The following CHMP5 variants were observed in gnomAD, a reference collection of about 807,000 sequenced individuals.
The protein encoded by CHMP5 is SNF7 domain containing 2.
Under a neutral mutation model 33.0 loss-of-function variants are expected in CHMP5, and 17 were observed. The ratio of observed to expected loss-of-function variants is 0.52; its 90% CI spans 0.35 to 0.77. The LOEUF is 0.77. Among genes scored for constraint, CHMP5 ranks in the 30% least tolerant of loss-of-function variants. The probability of loss-of-function intolerance (pLI) is 0.01; values close to 1 mark genes in which losing one functional copy is unlikely to be tolerated. For synonymous variants in CHMP5, 76 were observed against 90.2 expected (o/e 0.84, Z 0.89); for missense variants, 216 against 261.5 (o/e 0.83, Z 1.20).
rs746362435 is a variant in CHMP5, at chr9:33,267,886, A to C, written c.208A>C (p.Lys70Gln). 6.2e-7 allele frequency: 1 copy of C among 1,610,684 alleles called. No individual in the cohort carries two copies. The highest frequency in any genetic ancestry group is 8.5e-7 in the Non-Finnish European group (1 of 1,177,028). ...MVKQKALRVL[K>Q]QKRMYEQQRD... ...CAAGCAGAAAGCCTTGCGAGTTTTA[A>C]AGCAAAAGAGGATGTAAGTTACACA... The change falls in exon 3 of 8, where the codon AAG (lysine) becomes CAG (glutamine). Residue 70 changes from lysine to glutamine, a missense_variant. Transcript: ENST00000223500.
chr9:33,281,115 G>A lies in CHMP5; in HGVS notation c.*256G>A, dbSNP rs1820918070. The A allele has an allele frequency of 2.6e-6, 1 of 381,684 alleles. No individual in the cohort carries two copies. Among genetic ancestry groups the A allele is most frequent in the Admixed American group, 4.4e-5 (1 of 22,778 alleles). 23.6% of individuals were successfully genotyped at this position (381,684 alleles called of 1,614,324 possible). A position where few individuals can be genotyped will look rare whatever the true frequency, so the allele number is the denominator to read the frequency against. On this transcript the variant is annotated 3_prime_UTR_variant, in exon 8 of 8. Transcript: ENST00000223500. Reference sequence around the variant, plus strand: ...AAAGTATTTTTAGCTCGTATGACTTGTTTTCATTCATTAATAATAATTTGA... The same window carrying A: ...AAAGTATTTTTAGCTCGTATGACTTATTTTCATTCATTAATAATAATTTGA...
intron 6 of CHMP5, 126 bp from the exon 7 acceptor site, chr9:33,277,987 A>C: frequency 1.7e-6 from 1 of 592,472 alleles, no homozygotes; most frequent in Admixed American, 2.8e-5. Context: ...TAATGGTCAC[A>C]CAGCATACAA....
chr9:33,270,819 C>T (rs1382247686), intron 4 of CHMP5, 103 bp downstream of exon 4: 12 of 936,352 alleles, frequency 1.3e-5, no homozygotes, highest in South Asian at 7.4e-5. Context: ...CAGTGGCTCA[C>T]GCCTGTAATC....
In CHMP5 at chr9:33,281,058, C is replaced by T; in HGVS notation, c.*199C>T. 2.2e-6 allele frequency: 1 copy of T among 453,334 alleles called. No individual in the cohort carries two copies. 28.1% of individuals were successfully genotyped at this position (453,334 alleles called of 1,614,324 possible). On this transcript the variant is annotated 3_prime_UTR_variant, in exon 8 of 8. Transcript: ENST00000223500. ...CTTTCTTCGTACTAAAATTTGATTC[C>T]TTTTTTTCTTATGAAAAACGAACTC...
chr9:33,265,158 G>C lies in CHMP5; in HGVS notation c.69+11G>C. 1 of 1,613,902 alleles carries C rather than the reference G, an allele frequency of 6.2e-7. No individual in the cohort carries two copies. The highest frequency in any genetic ancestry group is 8.5e-7 in the Non-Finnish European group (1 of 1,179,890). ...GACTGCATTGGCACGGTGGGCATTT[G>C]ATCATGCATAAGTAGGCTCAGGACC... On this transcript the variant is annotated intron_variant, in intron 1 of 7. Transcript: ENST00000223500.
At chr9:33,280,779 G>T (rs1227932751) in intron 7 of CHMP5, 30 bp from the exon 8 acceptor site, 5 of 1,554,110 alleles carry the variant, frequency 3.2e-6, no homozygotes, top group Non-Finnish European at 4.4e-6. Context: ...TAGAAAAATA[G>T]TGGCACTAAA....
At chr9:33,278,866 G>A (rs1199047718) in intron 7 of CHMP5, among the ~76,000 whole-genome samples, 2 of 152,056 alleles carry the variant, frequency 1.3e-5, no homozygotes, top group Non-Finnish European at 1.5e-5. Flanking sequence ...TGTTGTGCAA[G>A]CAAATTAGAT....
intron 5 of CHMP5, among the ~76,000 whole-genome samples, chr9:33,272,568 GC>G (rs1472521540): frequency 3.9e-5 from 6 of 152,200 alleles, no homozygotes; most frequent in Middle Eastern, 6.8e-3. Flanking sequence ...ACTTTGGGAG[GC>G]CGAGGCGGGT....
chr9:33,270,000 G>A (rs1820774476), intron 3 of CHMP5, among the ~76,000 whole-genome samples: 2 of 152,072 alleles, frequency 1.3e-5, no homozygotes, highest in South Asian at 4.1e-4. Context: ...CAGCAACACA[G>A]AAAAAAGCAA....
chr9:33,272,375 C>G (rs1310777595), intron 5 of CHMP5, among the ~76,000 whole-genome samples: 1 of 130,666 alleles, frequency 7.7e-6, no homozygotes, highest in Non-Finnish European at 1.6e-5. Flanking sequence ...GAATCAGAGG[C>G]TATAAAGGGA....
In CHMP5 at chr9:33,267,891, A is replaced by G; in HGVS notation, c.213A>G (p.Gln71=). The change falls in exon 3 of 8, where the codon CAA becomes CAG. Residue 71 remains glutamine, a synonymous_variant. Coordinates refer to ENST00000223500, the MANE Select transcript of CHMP5 (RefSeq NM_016410.6). ...VKQKALRVLK[Q]KRMYEQQRDN... is the part of the protein sequence containing the mutation. The stretch of plus-strand genomic sequence containing the variant: ...AGAAAGCCTTGCGAGTTTTAAAGCA[A>G]AAGAGGATGTAAGTTACACACACAA... The G allele has an allele frequency of 6.2e-7, 1 of 1,608,802 alleles. No homozygotes were observed.
chr9:33,280,782 G>A, intron 7 of CHMP5, 27 bp from the exon 8 acceptor site: 2 of 1,576,276 alleles, frequency 1.3e-6, no homozygotes, highest in Non-Finnish European at 1.7e-6. Flanking sequence ...AAAAATAGTG[G>A]CACTAAACAT....
At chr9:33,279,866 CAAAAAAAAAAA>C (rs77706408) in intron 7 of CHMP5, among the ~76,000 whole-genome samples, 1 of 54,958 alleles carries the variant, frequency 1.8e-5, no homozygotes, top group African/African-American at 8.2e-5. Context: ...AACTCAATCT[CAAAAAAAAAAA>C]AAAAAAAAAA....
Position 33,271,061 on chromosome 9 carries a change from A to G in CHMP5, c.316-91A>G, listed in dbSNP as rs1820788209. On this transcript the variant is annotated intron_variant, in intron 4 of 7. Transcript: ENST00000223500. The stretch of plus-strand genomic sequence containing the variant: ...ACTCCAGCCTGGGCAGCAAGAGTGC[A>G]ACTCTGTCTCAAATAAATAAATAAA... 3.8e-6 allele frequency: 4 copies of G among 1,049,944 alleles called. No homozygotes were observed. In the Admixed American group the frequency reaches 8.4e-5, roughly 22 times the overall value. 65.0% of individuals were successfully genotyped at this position (1,049,944 alleles called of 1,614,324 possible).
Position 33,276,560 on chromosome 9 carries a change from A to C in CHMP5, c.492A>C (p.Glu164Asp), listed in dbSNP as rs768651661. ...GTPELDEDDL[E>D]AELDALGDEL... ...CAGAACTGGATGAAGATGATTTAGA[A>C]GCAGGTAAGTTATGAGAAAAGTAAT... is the stretch of plus-strand genomic sequence containing the variant. The change falls in exon 6 of 8, where the codon GAA (glutamate) becomes GAC (aspartate). Residue 164 changes from glutamate (E) to aspartate (D), a missense_variant. Coordinates refer to ENST00000223500, the MANE Select transcript of CHMP5 (RefSeq NM_016410.6). The C allele has an allele frequency of 6.3e-7, 1 of 1,577,002 alleles. No homozygotes were observed. The highest frequency in any genetic ancestry group is 1.1e-5 in the South Asian group (1 of 89,782).
chr9:33,273,881 C>T (rs1463444525), intron 5 of CHMP5, among the ~76,000 whole-genome samples: 4 of 152,002 alleles, frequency 2.6e-5, no homozygotes, highest in Non-Finnish European at 5.9e-5. Flanking sequence ...ATTGTATAAG[C>T]TTGACTTGAT....
intron 1 of CHMP5, among the ~76,000 whole-genome samples, chr9:33,265,522 C>T (rs924227717): frequency 6.6e-5 from 10 of 152,188 alleles, no homozygotes; most frequent in African/African-American, 2.2e-4. Flanking sequence ...CACATCAGGA[C>T]TCAGCTTGAT....
chr9:33,280,699 T>G (rs1242871998), intron 7 of CHMP5, 110 bp from the exon 8 acceptor site: 1 of 1,008,916 alleles, frequency 9.9e-7, no homozygotes, highest in Admixed American at 2.4e-5. Flanking sequence ...GATTTTGGTT[T>G]TGATTGATTA....
chr9:33,270,177 A>G (rs550611912), intron 3 of CHMP5, among the ~76,000 whole-genome samples: 2 of 152,306 alleles, frequency 1.3e-5, no homozygotes, highest in Admixed American at 6.5e-5. Context: ...GGATGTTTAG[A>G]TACACAAATA....
Sources: gnomAD v4.1 joint callset for allele counts (sites outside exome capture counted in the v4.1 genomes callset) on GRCh38, gnomAD v4.1.1 for gene constraint, MANE v1.5 for transcripts, NCBI Gene and HGNC (gene_info 2026-07-23, HGNC 2026-07-21) for gene names.